The following RFX1 variants were observed in gnomAD, a reference collection of about 807,000 sequenced individuals.
RFX1 encodes MHC class II regulatory factor RFX1.
RFX1 carries 42 observed loss-of-function variants against 119.6 expected under a neutral mutation model. That is an observed-to-expected ratio of 0.35 (90% CI 0.27 to 0.45). The LOEUF is 0.45. Among genes scored for constraint, RFX1 ranks in the 20% least tolerant of loss-of-function variants. The pLI is 1.00. For synonymous variants in RFX1, 628 were observed against 618.5 expected (o/e 1.02, Z -0.23); for missense variants, 1,118 against 1,368.1 (o/e 0.82, Z 2.88).
chr19:13,982,086 C>G (rs375537599), intron 5 of RFX1, 35 bp downstream of exon 5: 4 of 1,135,000 alleles, frequency 3.5e-6, no homozygotes, highest in Non-Finnish European at 4.6e-6. Flanking sequence ...CGGGAGACAG[C>G]AGGGGGGAGG....
chr19:13,989,863 G>T (rs142699284), intron 2 of RFX1, among the ~76,000 whole-genome samples: 36 of 16,182 alleles, frequency 2.2e-3, no homozygotes, highest in East Asian at 5.2e-3. Flanking sequence ...TGGAAGAGGC[G>T]GGGGGGGTTC....
intron 2 of RFX1, among the ~76,000 whole-genome samples, chr19:13,988,058 G>C (rs1046011837): frequency 8.0e-6 from 1 of 124,592 alleles, no homozygotes; most frequent in Admixed American, 9.5e-5. Flanking sequence ...ACAGAGTCTT[G>C]CTCTGTTACT....
At position 13,980,682 on chromosome 19, in the gene RFX1, G is replaced by A. The variant is rs1185982655; in HGVS notation, c.629C>T (p.Pro210Leu). ...GCTGGAAGAGCTGTTGGCCTGCACC[G>A]GCGACTGCTGTAAGGGAAGGAGACA... The part of the protein sequence containing the change: ...QQVHSPPEQS[P>L]VQANSSSSKT... Residue 210 changes from proline to leucine, a missense_variant, in exon 6 of 21, where the codon CCG becomes CTG. This residue lies in a region of RFX1 where 542 missense variants were observed against 602.7 expected (regional missense o/e 0.90). Transcript: ENST00000254325. This position sits in a 1 kb window ranked among gnomAD's most constrained non-coding sequence, Gnocchi z 5.1. 4.4e-6 allele frequency: 7 copies of A among 1,594,026 alleles called. No individual in the cohort carries two copies. Among genetic ancestry groups the A allele is most frequent in the East Asian group, 2.2e-5 (1 of 44,610 alleles).
intron 1 of RFX1, among the ~76,000 whole-genome samples, chr19:13,994,865 ATT>A (rs1599516375): frequency 7.4e-6 from 1 of 134,740 alleles, no homozygotes; most frequent in East Asian, 2.1e-4. Flanking sequence ...ATGTATATAT[ATT>A]GTATATGTAT....
chr19:13,994,044 C>T, intron 1 of RFX1, 149 bp from the exon 2 acceptor site: 1 of 576,830 alleles, frequency 1.7e-6, no homozygotes, highest in South Asian at 2.3e-5. Context: ...AATTAAATCC[C>T]CAGGCTGGTG....
Position 13,969,889 on chromosome 19 carries a change from G to GGGACTGGGCT in RFX1, c.1496+95_1496+104dup. 1 of 1,194,898 alleles carries GGGACTGGGCT rather than the reference G, an allele frequency of 8.4e-7. No homozygotes were observed. The highest frequency in any genetic ancestry group is 2.5e-5 in the East Asian group (1 of 39,554). The allele number at this position is 1,194,898 out of a possible 1,614,324, so 74.0% of individuals were successfully genotyped here. On this transcript the variant is annotated intron_variant, in intron 10 of 20. Transcript: ENST00000254325. This position sits in a 1 kb window ranked among gnomAD's most constrained non-coding sequence, Gnocchi z 4.5. ...GTCGAGGAGCCTCGCAGAGGCCGGC[G>GGGACTGGGCT]GGACTGGGCTGGACTGGACTGCCTG...
In RFX1 at chr19:13,966,352, C is replaced by G; in HGVS notation, c.1961+69G>C. 2.0e-6 allele frequency: 2 copies of G among 994,140 alleles called. No individual in the cohort carries two copies. The highest frequency in any genetic ancestry group is 3.2e-6 in the Non-Finnish European group (2 of 633,762). 61.6% of individuals were successfully genotyped at this position (994,140 alleles called of 1,614,324 possible). ...GACAAGCAGGTGCCCCAACCCTGGC[C>G]ATCAAAATCACCTGCGGGTCATGCC... is the stretch of plus-strand genomic sequence containing the variant. On this transcript the variant is annotated intron_variant, in intron 14 of 20. Transcript: ENST00000254325. The surrounding 1 kb of genome is among the most constrained non-coding windows in gnomAD (Gnocchi z 6.3).
At chr19:13,994,893 C>CATAT (rs566150731) in intron 1 of RFX1, among the ~76,000 whole-genome samples, 954 of 58,732 alleles carry the variant, frequency 0.016, 17 homozygotes, top group Non-Finnish European at 0.021. Context: ...AATATACATA[C>CATAT]ATATATATAT....
intron 2 of RFX1, among the ~76,000 whole-genome samples, chr19:13,984,170 C>G (rs1025248696): frequency 2.6e-5 from 4 of 151,392 alleles, no homozygotes; most frequent in African/African-American, 9.8e-5. Context: ...CGCTGACAGG[C>G]AGCTGAGAAG....
intron 8 of RFX1, among the ~76,000 whole-genome samples, chr19:13,974,701 G>A (rs778322722): frequency 1.3e-5 from 2 of 152,144 alleles, no homozygotes; most frequent in Non-Finnish European, 2.9e-5. Context: ...GCTAAACATC[G>A]TTGGACATAG....
chr19:13,970,970 C>G (rs1974059704), intron 9 of RFX1, among the ~76,000 whole-genome samples: 1 of 151,478 alleles, frequency 6.6e-6, no homozygotes, highest in Admixed American at 6.6e-5. Context: ...CACTGCACTC[C>G]AACCTGTGCG....
Position 13,983,273 on chromosome 19 carries a change from G to A in RFX1, c.430-3C>T, listed in dbSNP as rs751637695. 11 of 1,550,958 alleles carry A rather than the reference G, an allele frequency of 7.1e-6. No individual in the cohort carries two copies. The highest frequency in any genetic ancestry group is 9.5e-6 in the Non-Finnish European group (11 of 1,152,860). On this transcript the variant is annotated splice_polypyrimidine_tract_variant and splice_region_variant and intron_variant, in intron 3 of 20. Coordinates refer to ENST00000254325, the MANE Select transcript of RFX1 (RefSeq NM_002918.5). ...ACGCTCGTCTGGACCAGCAGCCGCT[G>A]TGGAGACAAGGCAGGAGGAGCTGAG...
intron 2 of RFX1, among the ~76,000 whole-genome samples, chr19:13,987,191 G>C (rs993233703): frequency 7.2e-5 from 11 of 152,194 alleles, no homozygotes; most frequent in African/African-American, 2.7e-4. Context: ...CACCTTCCCA[G>C]GAGTGGCTGC....
In RFX1 at chr19:13,962,544, CAT is replaced by C; in HGVS notation, c.*149_*150del. On this transcript the variant is annotated 3_prime_UTR_variant, in exon 21 of 21. Transcript: ENST00000254325. ...CCCAGCCCACTGATTGTGCCGGCCCCATAAGGGAGGAGGGCCCCGGTCTTCCC... is the reference window on the plus strand; with the variant it reads ...CCCAGCCCACTGATTGTGCCGGCCCCAAGGGAGGAGGGCCCCGGTCTTCCC... 3 of 636,628 alleles carry C rather than the reference CAT, an allele frequency of 4.7e-6. No individual in the cohort carries two copies. The highest frequency in any genetic ancestry group is 4.4e-4 in the Middle Eastern group (1 of 2,256). The allele number at this position is 636,628 out of a possible 1,614,324, so 39.4% of individuals were successfully genotyped here. A position where few individuals can be genotyped will look rare whatever the true frequency, so the allele number is the denominator to read the frequency against.
At position 13,989,571 on chromosome 19, in the gene RFX1, C is replaced by T. The variant is rs138902777; in HGVS notation, c.319+3954G>A. On this transcript the variant is annotated intron_variant, in intron 2 of 20. Transcript: ENST00000254325. ...AGAGAGAGACAGACAGACAGACAGACAGACAGACAGAGAGAAAGAGAGTGT... is the reference window on the plus strand; with the variant it reads ...AGAGAGAGACAGACAGACAGACAGATAGACAGACAGAGAGAAAGAGAGTGT... Among the ~76,000 whole-genome samples the T allele has an allele frequency of 4.5e-3, 690 of 152,054 alleles. 6 individuals are homozygous for T. Among genetic ancestry groups the T allele is most frequent in the Middle Eastern group, 0.014 (4 of 294 alleles).
rs750760412 is a variant in RFX1 at position 13,963,148 on chromosome 19, C to T, written c.2698G>A (p.Glu900Lys). ...IEHRVAQAKG[E>K]TPIAVMGEFA... is the part of the protein sequence containing the mutation. ...TCGCCCATGACGGCGATGGGGGTCT[C>T]GCCCTTGGCCTGGGCTACGCGGTGC... Residue 900 changes from glutamate to lysine, a missense_variant, in exon 19 of 21, where the codon GAG (glutamate) becomes AAG (lysine). By Grantham distance (56) the Glu-to-Lys change is moderately conservative. This residue lies in a region of RFX1 where 138 missense variants were observed against 117.8 expected (regional missense o/e 1.17). Coordinates refer to ENST00000254325, the MANE Select transcript of RFX1 (RefSeq NM_002918.5). The T allele has an allele frequency of 2.0e-5, 32 of 1,612,018 alleles. No individual in the cohort carries two copies. In the Admixed American group the frequency reaches 3.5e-4, roughly 18 times the overall value.
intron 8 of RFX1, among the ~76,000 whole-genome samples, chr19:13,974,764 G>A (rs182968868): frequency 9.8e-4 from 149 of 152,280 alleles, no homozygotes; most frequent in African/African-American, 3.3e-3. Flanking sequence ...ATAGCATTAG[G>A]CCAGGTGCAG....
At chr19:14,004,434 G>A (rs1340723200) in intron 1 of RFX1, among the ~76,000 whole-genome samples, 1 of 152,118 alleles carries the variant, frequency 6.6e-6, no homozygotes, top group Non-Finnish European at 1.5e-5. Context: ...CTTGTACCCG[G>A]GAGGCGGAGG....
At chr19:13,977,802 G>A (rs1373916551) in intron 8 of RFX1, among the ~76,000 whole-genome samples, 190 bp downstream of exon 8, 1 of 151,880 alleles carries the variant, frequency 6.6e-6, no homozygotes, top group Admixed American at 6.6e-5. Flanking sequence ...AACCTTCAAG[G>A]GTCCCTCTGC....
Sources: allele counts gnomAD v4.1 joint callset (sites outside exome capture counted in the v4.1 genomes callset), GRCh38; gene constraint gnomAD v4.1.1; regional missense constraint gnomAD v4.1.1; non-coding constraint Gnocchi (gnomAD v3.1); transcripts MANE v1.5; gene names NCBI Gene and HGNC (gene_info 2026-07-23, HGNC 2026-07-21).